TRIM62: variants seen among roughly 807,000 people sequenced by gnomAD.
The protein encoded by TRIM62 is tripartite motif containing 62, also known as E3 ubiquitin-protein ligase TRIM62.
In TRIM62, 39 loss-of-function variants were observed where a neutral mutation model predicts 44.2. The ratio of observed to expected loss-of-function variants is 0.88; its 90% CI spans 0.68 to 1.15. The LOEUF (loss-of-function observed/expected upper bound fraction) is 1.15, where lower values mean the gene tolerates loss of function less well. Ranked by LOEUF, TRIM62 falls within the 50% of genes most tolerant of loss-of-function variation. TRIM62 has a pLI of 0.00. For missense variants in TRIM62, 544 were observed against 665.5 expected (o/e 0.82, Z 2.01); for synonymous variants, 278 against 292.3 (o/e 0.95, Z 0.50).
In TRIM62 at chr1:33,147,264, G is replaced by C; in HGVS notation, c.1341C>G (p.Gly447=). 6.2e-7 allele frequency: 1 copy of C among 1,614,158 alleles called. No individual in the cohort carries two copies. Among genetic ancestry groups the C allele is most frequent in the Non-Finnish European group, 8.5e-7 (1 of 1,180,044 alleles). Residue 447 remains glycine, a synonymous_variant, in exon 5 of 5, where the codon GGC becomes GGG. Coordinates refer to ENST00000291416, the MANE Select transcript of TRIM62 (RefSeq NM_018207.3). This position sits in a 1 kb window ranked among gnomAD's most constrained non-coding sequence, Gnocchi z 8.1. The stretch of plus-strand genomic sequence containing the variant: ...CAGGGCTGAAGTAAGAGCAGAGCTT[G>C]CCAGGGAACTTCTCGCGGAAGGTGT... ...WLYTFREKFP[G]KLCSYFSPGQ... is the part of the protein sequence containing the mutation.
rs1645223850 is a variant in TRIM62, at chr1:33,159,082, T to C, written c.761+606A>G. On this transcript the variant is annotated intron_variant, in intron 3 of 4. Transcript: ENST00000291416. The surrounding 1 kb of genome is among the most constrained non-coding windows in gnomAD (Gnocchi z 4.2). Reference sequence around the variant, plus strand: ...CTGGTCCTGAACTCCTGACCTCAGGTAATCCACCTGCCTCGGCCTCCCAAA... The same window carrying C: ...CTGGTCCTGAACTCCTGACCTCAGGCAATCCACCTGCCTCGGCCTCCCAAA... Among the ~76,000 whole-genome samples the C allele has an allele frequency of 6.6e-6, 1 of 151,866 alleles. No homozygotes were observed. The highest frequency in any genetic ancestry group is 6.6e-5 in the Admixed American group (1 of 15,224).
In TRIM62 at chr1:33,147,041, T is replaced by A; in HGVS notation, c.*136A>T. 1 of 860,580 alleles carries A rather than the reference T, an allele frequency of 1.2e-6. No individual in the cohort carries two copies. Among genetic ancestry groups the A allele is most frequent in the South Asian group, 1.7e-5 (1 of 58,166 alleles). 53.3% of individuals were successfully genotyped at this position (860,580 alleles called of 1,614,324 possible). Reference sequence around the variant, plus strand: ...GGAATGCAACCTCCATTTTACAGACTGGAGGCTGGAGGGTAAACAACTGGC... The same window carrying A: ...GGAATGCAACCTCCATTTTACAGACAGGAGGCTGGAGGGTAAACAACTGGC... On this transcript the variant is annotated 3_prime_UTR_variant, in exon 5 of 5. Coordinates refer to ENST00000291416, the MANE Select transcript of TRIM62 (RefSeq NM_018207.3). The surrounding 1 kb of genome is among the most constrained non-coding windows in gnomAD (Gnocchi z 8.1).
intron 2 of TRIM62, among the ~76,000 whole-genome samples, chr1:33,162,616 T>C (rs1161924013): frequency 1.3e-5 from 2 of 152,164 alleles, no homozygotes; most frequent in African/African-American, 2.4e-5. Flanking sequence ...GATTGCTCCG[T>C]AGAGCTGGGT....
rs1645018079 is a variant in TRIM62 at position 33,146,038 on chromosome 1, A to C, written c.*1139T>G. On this transcript the variant is annotated 3_prime_UTR_variant, in exon 5 of 5. Coordinates refer to ENST00000291416, the MANE Select transcript of TRIM62 (RefSeq NM_018207.3). ...CGTGGCAGAGGGAGCCTAGTTCTGCAGTCAGCAGCTTTCTGGCATAGTGGC... is the reference window on the plus strand; with the variant it reads ...CGTGGCAGAGGGAGCCTAGTTCTGCCGTCAGCAGCTTTCTGGCATAGTGGC... The C allele has an allele frequency of 2.6e-6, 1 of 385,484 alleles. No homozygotes were observed. Among genetic ancestry groups the C allele is most frequent in the African/African-American group, 2.1e-5 (1 of 47,190 alleles). 23.9% of individuals were successfully genotyped at this position (385,484 alleles called of 1,614,324 possible).
intron 4 of TRIM62, among the ~76,000 whole-genome samples, chr1:33,157,720 A>G (rs1319034255): frequency 6.6e-6 from 1 of 151,074 alleles, no homozygotes; most frequent in African/African-American, 2.4e-5. Context: ...CATCTGGAGA[A>G]TGGGTTTGCT....
chr1:33,166,822 A>C (rs896676752), intron 1 of TRIM62, among the ~76,000 whole-genome samples: 2 of 152,228 alleles, frequency 1.3e-5, no homozygotes, highest in African/African-American at 4.8e-5. Flanking sequence ...CTCAGGTTCC[A>C]GTGTGGCTCA....
chr1:33,162,683 T>C (rs548243152), intron 2 of TRIM62, among the ~76,000 whole-genome samples: 1 of 151,828 alleles, frequency 6.6e-6, no homozygotes, highest in East Asian at 2.0e-4. Flanking sequence ...CGAGAGAGGA[T>C]GGGAGGGAAA....
chr1:33,147,623 G>C lies in TRIM62; in HGVS notation c.982C>G (p.Gln328Glu). The C allele has an allele frequency of 6.2e-7, 1 of 1,614,082 alleles. No homozygotes were observed. The highest frequency in any genetic ancestry group is 8.5e-7 in the Non-Finnish European group (1 of 1,180,042). ...ACATCGAAGCGCTTTGGCGAGTCCT[G>C]CAGTGGCTGTGGGTGCAAGTTGCCG... ...AYGNLHPQPL[Q>E]DSPKRFDVEV... Residue 328 changes from glutamine to glutamate, a missense_variant, in exon 5 of 5, where the codon CAG becomes GAG. Transcript: ENST00000291416. The surrounding 1 kb of genome is among the most constrained non-coding windows in gnomAD (Gnocchi z 8.1).
chr1:33,165,174 C>A lies in TRIM62; in HGVS notation c.504+297G>T, dbSNP rs1645315296. On this transcript the variant is annotated intron_variant, in intron 2 of 4. Transcript: ENST00000291416. This position sits in a 1 kb window ranked among gnomAD's most constrained non-coding sequence, Gnocchi z 4.0. ...AGGAGGCAGGGGGTTTCCGGAGGGTCCCGGGACCCGCCTCAACTTCCACCC... is the reference window on the plus strand; with the variant it reads ...AGGAGGCAGGGGGTTTCCGGAGGGTACCGGGACCCGCCTCAACTTCCACCC... The A allele has an allele frequency of 5.8e-5, 17 of 292,476 alleles. No homozygotes were observed. In the South Asian group the frequency reaches 9.3e-4, roughly 16 times the overall value. 18.1% of individuals were successfully genotyped at this position (292,476 alleles called of 1,614,324 possible).
chr1:33,168,387 CT>C (rs5773395), intron 1 of TRIM62, among the ~76,000 whole-genome samples: 5 of 150,580 alleles, frequency 3.3e-5, no homozygotes, highest in Middle Eastern at 3.4e-3. Context: ...CTGAGAAAAA[CT>C]TTTTTTTTTA....
rs901064935 is a variant in TRIM62, at chr1:33,177,439, C to T, written c.408+3586G>A. On this transcript the variant is annotated intron_variant, in intron 1 of 4. Coordinates refer to ENST00000291416, the MANE Select transcript of TRIM62 (RefSeq NM_018207.3). This position sits in a 1 kb window ranked among gnomAD's most constrained non-coding sequence, Gnocchi z 4.1. ...AAGGAGCCTTAGAGAAGCAAAGTGACGTGACCAAGGACACACAGCATGTCA... is the reference window on the plus strand; with the variant it reads ...AAGGAGCCTTAGAGAAGCAAAGTGATGTGACCAAGGACACACAGCATGTCA... Among the ~76,000 whole-genome samples, 2 of 152,104 alleles carry T rather than the reference C, an allele frequency of 1.3e-5. No homozygotes were observed. Among genetic ancestry groups the T allele is most frequent in the Non-Finnish European group, 2.9e-5 (2 of 68,032 alleles).
chr1:33,159,000 C>A (rs1458845698), intron 3 of TRIM62, among the ~76,000 whole-genome samples: 1 of 152,008 alleles, frequency 6.6e-6, no homozygotes, highest in East Asian at 1.9e-4. Context: ...GCCACCACGC[C>A]CGGCTAATTT....
Position 33,181,187 on chromosome 1 carries a change from G to A in TRIM62, c.246C>T (p.Ala82=), listed in dbSNP as rs1263030774. ...GCGCGGCGCGGCGCGCGTTGAGGATGGCGTCCAGCGGGAAGGAGCTGTAGC... is the reference window on the plus strand; with the variant it reads ...GCGCGGCGCGGCGCGCGTTGAGGATAGCGTCCAGCGGGAAGGAGCTGTAGC... The part of the protein sequence containing the change: ...VERYSSFPLD[A]ILNARRAARP... Residue 82 remains alanine, a synonymous_variant, in exon 1 of 5, where the codon GCC becomes GCT. Coordinates refer to ENST00000291416, the MANE Select transcript of TRIM62 (RefSeq NM_018207.3). The surrounding 1 kb of genome is among the most constrained non-coding windows in gnomAD (Gnocchi z 6.5). 7 of 1,593,042 alleles carry A rather than the reference G, an allele frequency of 4.4e-6. No individual in the cohort carries two copies. The highest frequency in any genetic ancestry group is 6.0e-6 in the Non-Finnish European group (7 of 1,175,236).
rs1394838635 is a variant in TRIM62, at chr1:33,177,279, A to T, written c.408+3746T>A. The stretch of plus-strand genomic sequence containing the variant: ...CTTATGTTAATTTTATAATCAGAAT[A>T]AAGACATTTAAAAATAGTTTTGGGG... On this transcript the variant is annotated intron_variant, in intron 1 of 4. Coordinates refer to ENST00000291416, the MANE Select transcript of TRIM62 (RefSeq NM_018207.3). The surrounding 1 kb of genome is among the most constrained non-coding windows in gnomAD (Gnocchi z 4.1). 1.3e-5 allele frequency among the ~76,000 whole-genome samples: 2 copies of T among 152,216 alleles called. No homozygotes were observed. Among genetic ancestry groups the T allele is most frequent in the East Asian group, 3.8e-4 (2 of 5,200 alleles).
chr1:33,164,614 A>G (rs1034411357), intron 2 of TRIM62: 7 of 152,386 alleles, frequency 4.6e-5, no homozygotes, highest in African/African-American at 1.7e-4. Context: ...TTTGTTTCCC[A>G]AACCACGGTA....
At chr1:33,164,887 TC>T (rs1310867183) in intron 2 of TRIM62, 2 of 151,862 alleles carry the variant, frequency 1.3e-5, no homozygotes, top group African/African-American at 4.9e-5. Flanking sequence ...CAGGCAATCT[TC>T]CCATCTGTCT....
At chr1:33,149,245 C>T (rs946548188) in intron 4 of TRIM62, among the ~76,000 whole-genome samples, 2 of 152,320 alleles carry the variant, frequency 1.3e-5, no homozygotes, top group African/African-American at 4.8e-5. Flanking sequence ...CTCCACCTCC[C>T]AGGTTCAAGT....
intron 1 of TRIM62, among the ~76,000 whole-genome samples, chr1:33,178,675 C>T (rs1395511901): frequency 1.3e-5 from 2 of 152,220 alleles, no homozygotes; most frequent in Admixed American, 6.5e-5. Flanking sequence ...AGAGCATCAG[C>T]GTTTACATGA....
rs1373525486 is a variant in TRIM62 at position 33,181,125 on chromosome 1, CA to C, written c.307del (p.Cys103AlafsTer37). 3 of 1,600,624 alleles carry C rather than the reference CA, an allele frequency of 1.9e-6. No individual in the cohort carries two copies. Among genetic ancestry groups the C allele is most frequent in the Admixed American group, 3.3e-5 (2 of 59,758 alleles). ...CQAHDKVKLF[C>X]LTDRALLCFF... The stretch of plus-strand genomic sequence containing the variant: ...GCAGAGAAGCGCGCGGTCCGTGAGG[CA>C]GAAGAGCTTGACCTTGTCGTGCGCC... On this transcript the variant is annotated frameshift_variant, in exon 1 of 5. Transcript: ENST00000291416. LOFTEE classifies it high-confidence loss of function. The surrounding 1 kb of genome is among the most constrained non-coding windows in gnomAD (Gnocchi z 6.5).
Sources: gnomAD v4.1 joint callset for allele counts (sites outside exome capture counted in the v4.1 genomes callset) on GRCh38, gnomAD v4.1.1 for gene constraint, Gnocchi (gnomAD v3.1) non-coding constraint, MANE v1.5 for transcripts, NCBI Gene and HGNC (gene_info 2026-07-23, HGNC 2026-07-21) for gene names.